Variants in LRP2 observed in about 807,000 individuals in gnomAD.
LRP2 encodes the protein low-density lipoprotein receptor-related protein 2.
A neutral mutation model predicts 531.0 loss-of-function variants in LRP2; 172 were observed. The observed-to-expected ratio is 0.32, with a 90% CI of 0.29 to 0.37. The LOEUF is 0.37. Among genes scored for constraint, LRP2 ranks in the 10% least tolerant of loss-of-function variants. LRP2 has a pLI of 1.00. For missense variants in LRP2, 5,167 were observed against 5,868.3 expected, an observed-to-expected ratio of 0.88 and a Z score of 3.90; for synonymous variants, 1,992 against 2,027.6, an observed-to-expected ratio of 0.98 and a Z score of 0.47.
chr2:169,345,808 A>G lies in LRP2; in HGVS notation c.79+16513T>C, dbSNP rs145739773. Among the ~76,000 whole-genome samples, 630 of 151,838 alleles carry G rather than the reference A, an allele frequency of 4.1e-3. 2 individuals are homozygous for G. The highest frequency in any genetic ancestry group is 0.015 in the African/African-American group (609 of 41,390). ...AGAGAAACTCAGAAAAACATCCTACATGACTCTTGTCGTTCTTGTTCTGAG... is the reference window on the plus strand; with the variant it reads ...AGAGAAACTCAGAAAAACATCCTACGTGACTCTTGTCGTTCTTGTTCTGAG... On this transcript the variant is annotated intron_variant, in intron 1 of 78. Transcript: ENST00000649046.
At chr2:169,156,063 T>C (rs1323618665) in intron 65 of LRP2, among the ~76,000 whole-genome samples, 7 of 150,614 alleles carry the variant, frequency 4.6e-5, no homozygotes, top group Non-Finnish European at 8.8e-5. Context: ...TGCTACATAT[T>C]TGTTGGGGGA....
chr2:169,145,114 C>T (rs769387943), intron 70 of LRP2, among the ~76,000 whole-genome samples: 8 of 152,130 alleles, frequency 5.3e-5, no homozygotes, highest in Non-Finnish European at 1.0e-4. Context: ...TAATAGATGG[C>T]TGAATTAACA....
chr2:169,358,246 T>A (rs1559090952), intron 1 of LRP2, among the ~76,000 whole-genome samples: 1 of 152,222 alleles, frequency 6.6e-6, no homozygotes, highest in Non-Finnish European at 1.5e-5. Flanking sequence ...AATTTATATC[T>A]TAGCTCTGTC....
intron 49 of LRP2, 41 bp downstream of exon 49, chr2:169,187,929 T>C: frequency 3.7e-6 from 6 of 1,602,192 alleles, no homozygotes; most frequent in Non-Finnish European, 5.1e-6. Flanking sequence ...CCATATTCAG[T>C]CTCCCCTGTT....
intron 50 of LRP2, among the ~76,000 whole-genome samples, chr2:169,182,995 T>G (rs1687496666): frequency 6.6e-6 from 1 of 152,188 alleles, no homozygotes; most frequent in Non-Finnish European, 1.5e-5. Flanking sequence ...TAACCCAAGG[T>G]CTTTACCCAG....
rs1684449757 is a variant in LRP2 at position 169,307,407 on chromosome 2, G to GA, written c.311-11dup. The GA allele has an allele frequency of 2.8e-6, 4 of 1,452,642 alleles. No homozygotes were observed. Among genetic ancestry groups the GA allele is most frequent in the Middle Eastern group, 3.5e-4 (2 of 5,732 alleles). 90.0% of individuals were successfully genotyped at this position (1,452,642 alleles called of 1,614,324 possible). A position where few individuals can be genotyped will look rare whatever the true frequency, so the allele number is the denominator to read the frequency against. On this transcript the variant is annotated splice_polypyrimidine_tract_variant and intron_variant, in intron 3 of 78. Coordinates refer to ENST00000649046, the MANE Select transcript of LRP2 (RefSeq NM_004525.3). ...GAGCATGTACTTTGTGCTGCGAAGA[G>GA]AAAAAATTATTACTTAATTTATAAT...
chr2:169,197,260 CAA>C lies in LRP2; in HGVS notation c.8579-232_8579-231del, dbSNP rs145613993. Among the ~76,000 whole-genome samples, 59 of 139,718 alleles carry C rather than the reference CAA, an allele frequency of 4.2e-4. 3 individuals carry two copies. The highest frequency in any genetic ancestry group is 1.4e-3 in the African/African-American group (55 of 38,010). 91.7% of individuals were successfully genotyped at this position (139,718 alleles called of 152,430 possible). A position where few individuals can be genotyped will look rare whatever the true frequency, so the allele number is the denominator to read the frequency against. ...ATTTGTTTTTCTAGATTCCAGAAAT[CAA>C]AAAAAAAAAATTGTATTTGTTAGAA... On this transcript the variant is annotated intron_variant, in intron 45 of 78. Coordinates refer to ENST00000649046, the MANE Select transcript of LRP2 (RefSeq NM_004525.3).
intron 1 of LRP2, among the ~76,000 whole-genome samples, chr2:169,358,119 T>A (rs1366813482): frequency 3.3e-5 from 5 of 152,218 alleles, no homozygotes; most frequent in Admixed American, 3.3e-4. Context: ...ATTCATCTGC[T>A]TATCAGACTG....
chr2:169,215,557 G>A (rs1483617444), intron 35 of LRP2, among the ~76,000 whole-genome samples: 1 of 151,858 alleles, frequency 6.6e-6, no homozygotes, highest in African/African-American at 2.4e-5. Flanking sequence ...GCTACGAGGG[G>A]ATGCTGAGTT....
chr2:169,181,486 A>G lies in LRP2; in HGVS notation c.10131T>C (p.Asp3377=). The G allele has an allele frequency of 6.2e-7, 1 of 1,614,194 alleles. No homozygotes were observed. The highest frequency in any genetic ancestry group is 1.3e-5 in the African/African-American group (1 of 75,062). ...PNGITIDYTN[D]LLYWADAHLG... is the part of the protein sequence containing the mutation. ...GGTGGGCATCTGCCCAGTAGAGTAG[A>G]TCATTGGTGTAATCAATGGTGATGC... is the stretch of plus-strand genomic sequence containing the variant. Residue 3377 remains aspartate, a synonymous_variant, in exon 52 of 79, where the codon GAT becomes GAC. Coordinates refer to ENST00000649046, the MANE Select transcript of LRP2 (RefSeq NM_004525.3).
intron 14 of LRP2, among the ~76,000 whole-genome samples, chr2:169,274,718 A>G (rs1487143594): frequency 1.3e-5 from 2 of 152,132 alleles, no homozygotes; most frequent in African/African-American, 4.8e-5. Context: ...TCCCAGTAGA[A>G]TGAGGATAGG....
intron 4 of LRP2, among the ~76,000 whole-genome samples, chr2:169,301,557 T>C (rs1026337277): frequency 1.3e-5 from 2 of 151,936 alleles, no homozygotes; most frequent in African/African-American, 4.8e-5. Context: ...TCTAAAAGGG[T>C]AAAATAACCA....
chr2:169,169,658 A>G (rs1014077455), intron 60 of LRP2, 44 bp downstream of exon 60: 5 of 1,446,200 alleles, frequency 3.5e-6, no homozygotes, highest in Admixed American at 3.3e-5. Context: ...TATCATATCC[A>G]TGCTCTCAGG....
chr2:169,166,402 T>C (rs183445116), intron 61 of LRP2, among the ~76,000 whole-genome samples: 3 of 152,142 alleles, frequency 2.0e-5, no homozygotes, highest in Non-Finnish European at 2.9e-5. Flanking sequence ...AAACTTCCCA[T>C]AGATTCTGAG....
intron 76 of LRP2, among the ~76,000 whole-genome samples, chr2:169,136,189 C>G (rs1285267576): frequency 1.3e-5 from 2 of 152,114 alleles, no homozygotes; most frequent in Non-Finnish European, 2.9e-5. Context: ...AACAACCCCA[C>G]AATATCACCC....
At chr2:169,358,581 CAA>C (rs896315527) in intron 1 of LRP2, among the ~76,000 whole-genome samples, 15 of 152,160 alleles carry the variant, frequency 9.9e-5, no homozygotes, top group Non-Finnish European at 1.8e-4. Flanking sequence ...AAAAACGATA[CAA>C]GTTTGCTATT....
chr2:169,149,075 AT>A (rs1347494747), intron 68 of LRP2, among the ~76,000 whole-genome samples: 1 of 152,184 alleles, frequency 6.6e-6, no homozygotes, highest in Non-Finnish European at 1.5e-5. Flanking sequence ...TGTATCTTAT[AT>A]TATAGTCAAC....
intron 15 of LRP2, among the ~76,000 whole-genome samples, chr2:169,272,158 C>A (rs1386032256): frequency 2.0e-5 from 3 of 151,966 alleles, no homozygotes; most frequent in East Asian, 1.9e-4. Context: ...ATCTGGAGAG[C>A]AAGAATTTGT....
chr2:169,200,164 T>C (rs1030600354), intron 44 of LRP2, among the ~76,000 whole-genome samples: 2 of 152,098 alleles, frequency 1.3e-5, no homozygotes, highest in African/African-American at 2.4e-5. Context: ...GGCAGGAGAA[T>C]GGCGTGAACC....
Sources: allele counts gnomAD v4.1 joint callset (sites outside exome capture counted in the v4.1 genomes callset), GRCh38; gene constraint gnomAD v4.1.1; transcripts MANE v1.5; gene names NCBI Gene and HGNC (gene_info 2026-07-23, HGNC 2026-07-21).